The following CA10 variants were observed in gnomAD, a reference collection of about 807,000 sequenced individuals.
The protein encoded by CA10 is carbonic anhydrase-related protein 10.
A neutral mutation model predicts 44.2 loss-of-function variants in CA10; 14 were observed. That is an observed-to-expected ratio of 0.32 (90% CI 0.21 to 0.50). The LOEUF (loss-of-function observed/expected upper bound fraction) is 0.50. CA10 is among the 20% of genes least tolerant of loss of function. The pLI is 0.99. For missense variants in CA10, 350 were observed against 409.7 expected, an observed-to-expected ratio of 0.85 and a Z score of 1.26; for synonymous variants, 159 against 141.6, an observed-to-expected ratio of 1.12 and a Z score of -0.87.
chr17:52,014,043 A>C (rs1005272908), intron 2 of CA10, among the ~76,000 whole-genome samples: 1 of 151,990 alleles, frequency 6.6e-6, no homozygotes, highest in Admixed American at 6.6e-5. Flanking sequence ...AAAGTGGTGG[A>C]AGTATGACCA....
intron 1 of CA10, among the ~76,000 whole-genome samples, chr17:52,113,238 G>A (rs553475544): frequency 2.6e-5 from 4 of 152,174 alleles, no homozygotes; most frequent in Non-Finnish European, 2.9e-5. Flanking sequence ...CTGTAAGGTA[G>A]GAATGTAAAG....
chr17:51,943,114 TTTTGC>T (rs1308992608), intron 2 of CA10, among the ~76,000 whole-genome samples: 1 of 152,176 alleles, frequency 6.6e-6, no homozygotes, highest in African/African-American at 2.4e-5. Flanking sequence ...ACTTTTGTGC[TTTTGC>T]TTTAATTATT....
chr17:51,644,986 T>TG (rs1310237882), intron 6 of CA10, among the ~76,000 whole-genome samples: 2 of 152,018 alleles, frequency 1.3e-5, no homozygotes, highest in South Asian at 4.2e-4. Flanking sequence ...TTAGTGGAGA[T>TG]GGGGTCTCAC....
At chr17:52,050,443 C>G (rs1332711488) in intron 2 of CA10, among the ~76,000 whole-genome samples, 1 of 152,146 alleles carries the variant, frequency 6.6e-6, no homozygotes, top group East Asian at 1.9e-4. Context: ...CTAGTTGATT[C>G]TCCCCACAAC....
At chr17:52,074,420 A>T (rs890467080) in intron 1 of CA10, among the ~76,000 whole-genome samples, 11 of 152,282 alleles carry the variant, frequency 7.2e-5, no homozygotes, top group African/African-American at 2.4e-4. Context: ...GGTTTTCCTT[A>T]CAACAGGCAA....
chr17:51,952,242 T>A (rs1215722268), intron 2 of CA10, among the ~76,000 whole-genome samples: 26 of 152,198 alleles, frequency 1.7e-4, no homozygotes, highest in Admixed American at 1.7e-3. Context: ...ATAACAAGTA[T>A]CACACACTGG....
intron 2 of CA10, among the ~76,000 whole-genome samples, chr17:51,978,312 T>A (rs531847862): frequency 1.1e-3 from 171 of 151,868 alleles, no homozygotes; most frequent in Middle Eastern, 6.8e-3. Context: ...AGCAAATAGA[T>A]CAATGGAACA....
chr17:51,763,784 C>T (rs1905280171), intron 3 of CA10, among the ~76,000 whole-genome samples: 1 of 152,054 alleles, frequency 6.6e-6, no homozygotes, highest in South Asian at 2.1e-4. Flanking sequence ...CCTTCTTCTC[C>T]TTCTTCACCT....
chr17:51,989,857 T>G (rs567749208), intron 2 of CA10, among the ~76,000 whole-genome samples: 1 of 152,184 alleles, frequency 6.6e-6, no homozygotes, highest in Non-Finnish European at 1.5e-5. Flanking sequence ...CCTCTCTTCA[T>G]GTCCATCATT....
intron 1 of CA10, among the ~76,000 whole-genome samples, chr17:52,086,698 G>A (rs1489889818): frequency 6.6e-6 from 1 of 152,170 alleles, no homozygotes; most frequent in African/African-American, 2.4e-5. Context: ...CCAAGAAGAG[G>A]AGTAAATATT....
chr17:52,014,445 A>AC (rs1236391903), intron 2 of CA10, among the ~76,000 whole-genome samples: 2 of 152,028 alleles, frequency 1.3e-5, no homozygotes, highest in African/African-American at 4.8e-5. Context: ...TTGGATCCCT[A>AC]CTTCATATTA....
intron 3 of CA10, among the ~76,000 whole-genome samples, chr17:51,909,075 C>T (rs997303956): frequency 6.6e-6 from 1 of 152,130 alleles, no homozygotes; most frequent in Non-Finnish European, 1.5e-5. Flanking sequence ...AAAACATGCT[C>T]CAGCGCACAT....
chr17:52,103,718 A>C (rs1226959276), intron 1 of CA10, among the ~76,000 whole-genome samples: 2 of 152,214 alleles, frequency 1.3e-5, no homozygotes. Context: ...ATTCATATAC[A>C]CAAAATGAAG....
intron 1 of CA10, among the ~76,000 whole-genome samples, chr17:52,099,457 A>G (rs1310590729): frequency 1.3e-5 from 2 of 152,176 alleles, no homozygotes; most frequent in African/African-American, 4.8e-5. Flanking sequence ...CTGGGTAGCT[A>G]CTTTTTCTGT....
intron 2 of CA10, among the ~76,000 whole-genome samples, chr17:52,027,921 G>A (rs1986351098): frequency 6.6e-6 from 1 of 152,138 alleles, no homozygotes. Flanking sequence ...TTGAACCCTT[G>A]TGTCAAGAGC....
intron 4 of CA10, among the ~76,000 whole-genome samples, chr17:51,719,373 T>G (rs1338957760): frequency 6.6e-6 from 1 of 152,200 alleles, no homozygotes; most frequent in Non-Finnish European, 1.5e-5. Context: ...TGCTGAAAAG[T>G]AGACTAGAAA....
chr17:51,684,084 G>A (rs1275173506), intron 4 of CA10, among the ~76,000 whole-genome samples: 1 of 152,254 alleles, frequency 6.6e-6, no homozygotes, highest in Non-Finnish European at 1.5e-5. Flanking sequence ...GATTATCCTG[G>A]ATTATCTAAG....
chr17:51,994,013 T>A (rs1487434376), intron 2 of CA10, among the ~76,000 whole-genome samples: 1 of 152,064 alleles, frequency 6.6e-6, no homozygotes, highest in Non-Finnish European at 1.5e-5. Context: ...ATGTGGCATA[T>A]AATATATGGC....
At chr17:52,127,472 T>C (rs1449049121) in intron 1 of CA10, among the ~76,000 whole-genome samples, 1 of 152,204 alleles carries the variant, frequency 6.6e-6, no homozygotes, top group Non-Finnish European at 1.5e-5. Context: ...TCAGAAGTAT[T>C]CACTTCCTTT....
Sources: allele counts gnomAD v4.1 joint callset (sites outside exome capture counted in the v4.1 genomes callset), GRCh38; gene constraint gnomAD v4.1.1; transcripts MANE v1.5; gene names NCBI Gene and HGNC (gene_info 2026-07-23, HGNC 2026-07-21).